Variants in CLSTN1 observed in about 807,000 individuals in gnomAD.
The protein encoded by CLSTN1 is calsyntenin 1, also known as calsyntenin-1.
A neutral mutation model predicts 108.3 loss-of-function variants in CLSTN1; 28 were observed. The ratio of observed to expected loss-of-function variants is 0.26; its 90% CI spans 0.19 to 0.35. The LOEUF is 0.35. CLSTN1 is among the 10% of genes least tolerant of loss of function. The pLI, the probability that CLSTN1 is intolerant of heterozygous loss-of-function variation, is 1.00. For synonymous variants in CLSTN1, 524 were observed against 534.9 expected, an observed-to-expected ratio of 0.98 and a Z score of 0.28; for missense variants, 1,157 against 1,302.6, an observed-to-expected ratio of 0.89 and a Z score of 1.72.
At chr1:9,821,020 CT>C (rs1655170769) in intron 1 of CLSTN1, among the ~76,000 whole-genome samples, 1 of 152,170 alleles carries the variant, frequency 6.6e-6, no homozygotes, top group Non-Finnish European at 1.5e-5. Flanking sequence ...TTCATATAAG[CT>C]TTCTATTTTC....
intron 10 of CLSTN1, among the ~76,000 whole-genome samples, chr1:9,738,133 A>T (rs915052953): frequency 1.3e-5 from 2 of 152,162 alleles, no homozygotes; most frequent in African/African-American, 4.8e-5. Flanking sequence ...ATTCTCAATC[A>T]CTTTTTCTGA....
chr1:9,773,312 T>TG lies in CLSTN1; in HGVS notation c.173dup (p.Leu59ThrfsTer6), dbSNP rs1441291549. The TG allele has an allele frequency of 6.2e-7, 1 of 1,613,952 alleles. No individual in the cohort carries two copies. The highest frequency in any genetic ancestry group is 8.5e-7 in the Non-Finnish European group (1 of 1,179,974). On this transcript the variant is annotated frameshift_variant, in exon 2 of 19. Transcript: ENST00000377298. LOFTEE classifies it high-confidence loss of function. ...GCGCATCTTTATCCAGCGCGATCAG[T>TG]GGGGGGTCGAGGAGCACGGTGTTGT... is the stretch of plus-strand genomic sequence containing the variant.
At chr1:9,778,067 G>C (rs144431595) in intron 1 of CLSTN1, among the ~76,000 whole-genome samples, 1 of 152,144 alleles carries the variant, frequency 6.6e-6, no homozygotes, top group African/African-American at 2.4e-5. Flanking sequence ...CAGGGCCTTC[G>C]CTTCCTCATC....
At position 9,730,778 on chromosome 1, in the gene CLSTN1, A is replaced by G. The variant is rs933741180; in HGVS notation, c.2749-73T>C. ...CCCGTCACCTGGCATTCTCCTCTCG[A>G]CAGCCACAGAGGAAGGAGAACTTGC... On this transcript the variant is annotated intron_variant, in intron 18 of 18. Transcript: ENST00000377298. The surrounding 1 kb of genome is among the most constrained non-coding windows in gnomAD (Gnocchi z 5.6). 2.2e-6 allele frequency: 3 copies of G among 1,388,214 alleles called. No homozygotes were observed. Among genetic ancestry groups the G allele is most frequent in the Non-Finnish European group, 3.0e-6 (3 of 1,010,772 alleles). The allele number at this position is 1,388,214 out of a possible 1,614,324, so 86.0% of individuals were successfully genotyped here. A position where few individuals can be genotyped will look rare whatever the true frequency, so the allele number is the denominator to read the frequency against.
At chr1:9,785,258 T>A (rs1006943966) in intron 1 of CLSTN1, among the ~76,000 whole-genome samples, 2 of 152,118 alleles carry the variant, frequency 1.3e-5, no homozygotes, top group African/African-American at 4.8e-5. Flanking sequence ...TCCGCCTGCC[T>A]CAGTCTCCCA....
intron 2 of CLSTN1, among the ~76,000 whole-genome samples, chr1:9,770,942 G>A (rs1284712811): frequency 1.3e-5 from 2 of 152,076 alleles, no homozygotes; most frequent in African/African-American, 2.4e-5. Context: ...GCAGTGAGCC[G>A]AAATTGCACC....
At chr1:9,752,765 G>A (rs902918820) in intron 4 of CLSTN1, among the ~76,000 whole-genome samples, 2 of 152,160 alleles carry the variant, frequency 1.3e-5, no homozygotes, top group African/African-American at 2.4e-5. Flanking sequence ...GGGAGGCTGA[G>A]GCACGAGAAT....
rs762623929 is a variant in CLSTN1, at chr1:9,741,182, C to T, written c.1431G>A (p.Thr477=). The T allele has an allele frequency of 1.2e-5, 19 of 1,613,970 alleles. No individual in the cohort carries two copies. Among genetic ancestry groups the T allele is most frequent in the South Asian group, 9.9e-5 (9 of 91,070 alleles). ...CAGTCACAGAGAAGGGCTCGTGGGA[C>T]GTGCCATCCACATAGAGAGTCACAC... The part of the protein sequence containing the change: ...FPSVTLYVDG[T]SHEPFSVTED... Residue 477 remains threonine, a synonymous_variant, in exon 10 of 19, where the codon ACG becomes ACA. Coordinates refer to ENST00000377298, the MANE Select transcript of CLSTN1 (RefSeq NM_001009566.3).
In CLSTN1 at chr1:9,734,834, C is replaced by A; in HGVS notation, c.2110+114G>T. On this transcript the variant is annotated intron_variant, in intron 14 of 18. Transcript: ENST00000377298. This position sits in a 1 kb window ranked among gnomAD's most constrained non-coding sequence, Gnocchi z 4.8. ...AGAAGCACACCCGAGAGAACACCAACGAAAGATTAAAACCTCCCCAAATCC... is the reference window on the plus strand; with the variant it reads ...AGAAGCACACCCGAGAGAACACCAAAGAAAGATTAAAACCTCCCCAAATCC... 1 of 866,616 alleles carries A rather than the reference C, an allele frequency of 1.2e-6. No individual in the cohort carries two copies. Among genetic ancestry groups the A allele is most frequent in the African/African-American group, 1.7e-5 (1 of 59,138 alleles). The allele number at this position is 866,616 out of a possible 1,614,324, so 53.7% of individuals were successfully genotyped here. A position where few individuals can be genotyped will look rare whatever the true frequency, so the allele number is the denominator to read the frequency against.
At position 9,744,434 on chromosome 1, in the gene CLSTN1, T is replaced by C. The variant is rs1194673780; in HGVS notation, c.1195A>G (p.Arg399Gly). 2 of 1,610,486 alleles carry C rather than the reference T, an allele frequency of 1.2e-6. No individual in the cohort carries two copies. Among genetic ancestry groups the C allele is most frequent in the Admixed American group, 3.3e-5 (2 of 59,980 alleles). ...CTGCAAAGAATTGTCTCCTTCTTCC[T>C]GCCGAATGGCCCATGTCTCATCCAC... The part of the protein sequence containing the change: ...SVWMRHGPFG[R>G]KKETILCSSD... The change falls in exon 8 of 19, where the codon AGG becomes GGG. Residue 399 changes from arginine to glycine, a missense_variant. By Grantham distance (125) the Arg-to-Gly change is moderately radical. Transcript: ENST00000377298.
rs1164702730 is a variant in CLSTN1, at chr1:9,737,491, C to T, written c.1576+7G>A. The T allele has an allele frequency of 6.2e-7, 1 of 1,612,924 alleles. No individual in the cohort carries two copies. The highest frequency in any genetic ancestry group is 1.3e-5 in the African/African-American group (1 of 74,854). On this transcript the variant is annotated splice_region_variant and intron_variant, in intron 11 of 18. Transcript: ENST00000377298. ...CAATAGTGAATGTAGGGAAAAAATC[C>T]AGCAACCTGCAGAGGCCACAGTCAC...
At position 9,751,498 on chromosome 1, in the gene CLSTN1, G is replaced by T. The variant is rs140241620; in HGVS notation, c.624C>A (p.Asp208Glu). The T allele has an allele frequency of 6.2e-7, 1 of 1,614,138 alleles. No homozygotes were observed. Among genetic ancestry groups the T allele is most frequent in the Non-Finnish European group, 8.5e-7 (1 of 1,180,028 alleles). ...CATCTTTGTCAACAGTAAAGGGCAC[G>T]TCTGGAGTGATGATTTCGTAGCTGC... Reference protein sequence around the residue: ...QICSYEIITPDVPFTVDKDGY... With the variant: ...QICSYEIITPEVPFTVDKDGY... The change falls in exon 5 of 19, where the codon GAC (aspartate) becomes GAA (glutamate). Residue 208 changes from aspartate to glutamate, a missense_variant. Coordinates refer to ENST00000377298, the MANE Select transcript of CLSTN1 (RefSeq NM_001009566.3).
At chr1:9,764,114 G>A (rs1011264135) in intron 2 of CLSTN1, among the ~76,000 whole-genome samples, 1 of 151,792 alleles carries the variant, frequency 6.6e-6, no homozygotes, top group Non-Finnish European at 1.5e-5. Flanking sequence ...GAAAGAGAGA[G>A]AGAGAGAGAG....
intron 16 of CLSTN1, 109 bp from the exon 17 acceptor site, chr1:9,732,005 T>C (rs1452366120): frequency 4.6e-6 from 6 of 1,312,532 alleles, no homozygotes; most frequent in Non-Finnish European, 5.4e-6. Context: ...GAGTGGCTCC[T>C]GGACCGCAGC....
At chr1:9,748,450 A>G (rs1050570319) in intron 7 of CLSTN1, among the ~76,000 whole-genome samples, 1 of 152,164 alleles carries the variant, frequency 6.6e-6, no homozygotes, top group African/African-American at 2.4e-5. Flanking sequence ...CTGATTTTCT[A>G]CTTCATGTTT....
At chr1:9,740,996 G>A in intron 10 of CLSTN1, 98 bp downstream of exon 10, 3 of 1,321,630 alleles carry the variant, frequency 2.3e-6, no homozygotes, top group Non-Finnish European at 3.2e-6. Flanking sequence ...GGACACGAGG[G>A]TAAGGCTGTA....
At chr1:9,797,014 T>TA (rs1654039076) in intron 1 of CLSTN1, among the ~76,000 whole-genome samples, 2 of 152,130 alleles carry the variant, frequency 1.3e-5, no homozygotes, top group South Asian at 4.2e-4. Flanking sequence ...GAAGCATGGT[T>TA]AAACACTGGT....
chr1:9,764,639 A>T (rs947335877), intron 2 of CLSTN1, among the ~76,000 whole-genome samples: 335 of 22,220 alleles, frequency 0.015, 1 homozygote, highest in Non-Finnish European at 0.023. Flanking sequence ...TCCATCTTTA[A>T]AAAAAAAAAA....
rs567438713 is a variant in CLSTN1, at chr1:9,816,726, A to C, written c.91+6917T>G. Among the ~76,000 whole-genome samples the C allele has an allele frequency of 1.7e-3, 256 of 152,070 alleles. 1 individual carries two copies. The highest frequency in any genetic ancestry group is 5.9e-3 in the African/African-American group (246 of 41,466). Reference sequence around the variant, plus strand: ...CAATGGTGTGATCTCGACTCACTGCAACCTCCGCCCCCTGGGTTCAAGCAA... The same window carrying C: ...CAATGGTGTGATCTCGACTCACTGCCACCTCCGCCCCCTGGGTTCAAGCAA... On this transcript the variant is annotated intron_variant, in intron 1 of 18. Transcript: ENST00000377298.
Sources: allele counts gnomAD v4.1 joint callset (sites outside exome capture counted in the v4.1 genomes callset), GRCh38; gene constraint gnomAD v4.1.1; non-coding constraint Gnocchi (gnomAD v3.1); transcripts MANE v1.5; gene names NCBI Gene and HGNC (gene_info 2026-07-23, HGNC 2026-07-21).